The following TP63 variants were observed in gnomAD, a reference collection of about 807,000 sequenced individuals.
TP63 encodes the protein tumor protein p63.
Under a neutral mutation model 82.8 loss-of-function variants are expected in TP63, and 17 were observed. The observed-to-expected ratio is 0.21, with a 90% CI of 0.14 to 0.31. The LOEUF (loss-of-function observed/expected upper bound fraction) is 0.31. Ranked by LOEUF, TP63 falls within the 10% of genes least tolerant of loss-of-function variation. The pLI, the probability that TP63 is intolerant of heterozygous loss-of-function variation, is 1.00. For missense variants in TP63, 648 were observed against 895.3 expected (o/e 0.72, Z 3.52); for synonymous variants, 330 against 321.7 (o/e 1.03, Z -0.28).
intron 10 of TP63, chr3:189,881,026 G>C: frequency 1.0e-6 from 1 of 985,338 alleles, no homozygotes; most frequent in South Asian, 4.7e-5. Flanking sequence ...CCCTTACGTA[G>C]TTGTTTACCA....
chr3:189,806,443 A>AC (rs1726917160), intron 3 of TP63, among the ~76,000 whole-genome samples: 1 of 152,114 alleles, frequency 6.6e-6, no homozygotes, highest in African/African-American at 2.4e-5. Context: ...TTGTATACTG[A>AC]CCCTTAACTT....
chr3:189,637,316 G>A (rs1729845817), intron 1 of TP63, among the ~76,000 whole-genome samples: 1 of 152,116 alleles, frequency 6.6e-6, no homozygotes, highest in African/African-American at 2.4e-5. Flanking sequence ...ATGACCTGCT[G>A]TATTGTTCAG....
At chr3:189,752,376 C>T (rs767625524) in intron 3 of TP63, among the ~76,000 whole-genome samples, 1 of 151,990 alleles carries the variant, frequency 6.6e-6, no homozygotes, top group Non-Finnish European at 1.5e-5. Flanking sequence ...GGGGTTTCAC[C>T]GTGTTCACTG....
intron 1 of TP63, among the ~76,000 whole-genome samples, chr3:189,674,223 A>G (rs76554798): frequency 0.04 from 6,037 of 152,222 alleles, 151 homozygotes; most frequent in Middle Eastern, 0.054. Flanking sequence ...TTTCTTTTTC[A>G]AACAAAATGA....
At chr3:189,716,514 C>T (rs1718970668) in intron 1 of TP63, among the ~76,000 whole-genome samples, 1 of 152,208 alleles carries the variant, frequency 6.6e-6, no homozygotes, top group Admixed American at 6.5e-5. Context: ...TCAGTCCCAA[C>T]ATTGGAATGG....
chr3:189,827,459 A>G (rs1711591656), intron 4 of TP63, among the ~76,000 whole-genome samples: 1 of 152,188 alleles, frequency 6.6e-6, no homozygotes, highest in African/African-American at 2.4e-5. Context: ...GGTCTTAACA[A>G]ATATTTTTCA....
chr3:189,897,058 A>G lies in TP63; in HGVS notation c.*2556A>G, dbSNP rs1721529287. The stretch of plus-strand genomic sequence containing the variant: ...AGGGATATTTTTTTCTATTATTTTT[A>G]TAATTGTACAAAATTAAGCAAATGT... On this transcript the variant is annotated 3_prime_UTR_variant, in exon 14 of 14. Coordinates refer to ENST00000264731, the MANE Select transcript of TP63 (RefSeq NM_003722.5). 4.5e-6 allele frequency: 1 copy of G among 224,616 alleles called. No individual in the cohort carries two copies. The highest frequency in any genetic ancestry group is 8.9e-6 in the Non-Finnish European group (1 of 112,682). 13.9% of individuals were successfully genotyped at this position (224,616 alleles called of 1,614,324 possible).
intron 4 of TP63, among the ~76,000 whole-genome samples, chr3:189,836,654 T>C (rs1216799712): frequency 2.0e-5 from 3 of 152,204 alleles, no homozygotes; most frequent in African/African-American, 7.2e-5. Context: ...CACCTACCTG[T>C]TGTTCAACTG....
chr3:189,729,260 T>C (rs1056100746), intron 1 of TP63, among the ~76,000 whole-genome samples: 1 of 152,152 alleles, frequency 6.6e-6, no homozygotes, highest in African/African-American at 2.4e-5. Context: ...AATTTCATAA[T>C]TGAGAGAGAA....
chr3:189,792,684 C>T (rs959736521), intron 3 of TP63, among the ~76,000 whole-genome samples: 8 of 152,078 alleles, frequency 5.3e-5, no homozygotes, highest in East Asian at 1.9e-4. Flanking sequence ...TATATGTATA[C>T]GATCGTGTTC....
chr3:189,627,790 G>T (rs1336761177), upstream of TP63, among the ~76,000 whole-genome samples: 1 of 152,040 alleles, frequency 6.6e-6, no homozygotes, highest in Non-Finnish European at 1.5e-5. Flanking sequence ...TAGGGTTGTT[G>T]GAATCTTGAT....
chr3:189,835,913 CAAA>C (rs1385103755), intron 4 of TP63, among the ~76,000 whole-genome samples: 1 of 118,370 alleles, frequency 8.4e-6, no homozygotes, highest in African/African-American at 3.2e-5. Flanking sequence ...GACTCCATCT[CAAA>C]ATAATAATAA....
intron 4 of TP63, among the ~76,000 whole-genome samples, chr3:189,842,101 G>T (rs567516237): frequency 2.6e-5 from 4 of 152,130 alleles, no homozygotes; most frequent in African/African-American, 7.2e-5. Context: ...CCACCCTTAG[G>T]GGGAGGATAA....
At chr3:189,761,204 A>T (rs1429525921) in intron 3 of TP63, among the ~76,000 whole-genome samples, 1 of 152,186 alleles carries the variant, frequency 6.6e-6, no homozygotes, top group African/African-American at 2.4e-5. Flanking sequence ...GCTGCAGCCA[A>T]CTTAAATTTC....
chr3:189,809,725 A>G (rs1010341024), intron 4 of TP63, among the ~76,000 whole-genome samples: 2 of 152,232 alleles, frequency 1.3e-5, no homozygotes, highest in African/African-American at 4.8e-5. Context: ...TAGTTTGTAT[A>G]GTTTATAAAA....
intron 4 of TP63, among the ~76,000 whole-genome samples, chr3:189,813,291 A>G (rs1727775307): frequency 6.6e-6 from 1 of 152,238 alleles, no homozygotes; most frequent in South Asian, 2.1e-4. Context: ...GTTATAAGCA[A>G]TAACCATACG....
At chr3:189,840,240 T>TCATG (rs1345936703) in intron 4 of TP63, among the ~76,000 whole-genome samples, 1 of 152,118 alleles carries the variant, frequency 6.6e-6, no homozygotes, top group African/African-American at 2.4e-5. Context: ...ACTTTTTTTT[T>TCATG]CATGCAGTAA....
chr3:189,686,568 G>A (rs1416063011), intron 1 of TP63, among the ~76,000 whole-genome samples: 3 of 151,990 alleles, frequency 2.0e-5, no homozygotes, highest in African/African-American at 7.2e-5. Context: ...CAGGAACTTA[G>A]AGTCTACCCA....
Position 189,824,758 on chromosome 3 carries a change from C to T in TP63, c.579+16232C>T, listed in dbSNP as rs140982108. Among the ~76,000 whole-genome samples the T allele has an allele frequency of 7.9e-5, 12 of 151,716 alleles. No homozygotes were observed. The East Asian group carries it at 1.5e-3, about 20-fold the overall frequency. ...GGAGAGGCCCTTGTCAGAATTCTCA[C>T]GACTGAATCATTGCCATGAGCTAAT... On this transcript the variant is annotated intron_variant, in intron 4 of 13. Coordinates refer to ENST00000264731, the MANE Select transcript of TP63 (RefSeq NM_003722.5).
Sources: allele counts gnomAD v4.1 joint callset (sites outside exome capture counted in the v4.1 genomes callset), GRCh38; gene constraint gnomAD v4.1.1; transcripts MANE v1.5; gene names NCBI Gene and HGNC (gene_info 2026-07-23, HGNC 2026-07-21).